Variants in ARHGAP45 observed in about 807,000 individuals in gnomAD.
ARHGAP45 encodes the protein rho GTPase-activating protein 45.
In ARHGAP45, 56 loss-of-function variants were observed where a neutral mutation model predicts 116.1. That is an observed-to-expected ratio of 0.48 (90% CI 0.39 to 0.60). The LOEUF (loss-of-function observed/expected upper bound fraction) is 0.60, where lower values mean the gene tolerates loss of function less well. ARHGAP45 is among the 20% of genes least tolerant of loss of function. ARHGAP45 has a pLI of 0.00. For synonymous variants in ARHGAP45, 866 were observed against 701.7 expected, an observed-to-expected ratio of 1.23 and a Z score of -3.70; for missense variants, 1,622 against 1,601.0, an observed-to-expected ratio of 1.01 and a Z score of -0.22.
intron 2 of ARHGAP45, 73 bp from the exon 3 acceptor site, chr19:1,073,076 A>G: frequency 6.7e-7 from 1 of 1,493,514 alleles, no homozygotes; most frequent in Non-Finnish European, 8.9e-7. Flanking sequence ...GGAGCTCTAA[A>G]GAGGGAGGAG....
At chr19:1,079,655 T>G in intron 11 of ARHGAP45, 48 bp from the exon 12 acceptor site, 1 of 1,602,162 alleles carries the variant, frequency 6.2e-7, no homozygotes, top group Non-Finnish European at 8.5e-7. Flanking sequence ...GTCTGAGTCC[T>G]GCACCCCGGG....
chr19:1,081,284 G>A (rs2043425974), intron 17 of ARHGAP45: 1 of 653,572 alleles, frequency 1.5e-6, no homozygotes, highest in Non-Finnish European at 2.6e-6. Flanking sequence ...CCTGGAGGGT[G>A]AAGAGTCCTG....
intron 10 of ARHGAP45, among the ~76,000 whole-genome samples, 158 bp downstream of exon 10, chr19:1,075,037 A>ACC (rs1568462330): frequency 1.4e-4 from 7 of 51,706 alleles, no homozygotes; most frequent in Admixed American, 9.1e-4. Context: ...GCCCCCCCCA[A>ACC]CGCCAAGCCG....
At position 1,077,898 on chromosome 19, in the gene ARHGAP45, C is replaced by T. The variant is rs377544706; in HGVS notation, c.1227C>T (p.Tyr409=). The change falls in exon 11 of 23, where the codon TAC becomes TAT. Residue 409 remains tyrosine (Y), a synonymous_variant. Transcript: ENST00000313093. ...ESNLRKAKQG[Y]VQRCEDHDKA... ...ACCTGCGCAAGGCCAAGCAGGGTTA[C>T]GTGCAGCGCTGCGAGGACCACGACA... The T allele has an allele frequency of 7.7e-6, 12 of 1,554,540 alleles. No homozygotes were observed. The highest frequency in any genetic ancestry group is 5.5e-5 in the African/African-American group (4 of 73,142).
At chr19:1,072,879 G>C (rs911183317) in intron 2 of ARHGAP45, among the ~76,000 whole-genome samples, 41 of 152,278 alleles carry the variant, frequency 2.7e-4, no homozygotes, top group African/African-American at 9.6e-4. Flanking sequence ...TGAAGGACAA[G>C]AGGCAGTTTG....
chr19:1,067,709 A>T (rs1226342821), intron 1 of ARHGAP45: 2 of 701,006 alleles, frequency 2.9e-6, no homozygotes, highest in African/African-American at 3.5e-5. Context: ...GCCTCCCTCC[A>T]CTCCATCCAG....
At chr19:1,079,368 G>A (rs765141080) in intron 11 of ARHGAP45, among the ~76,000 whole-genome samples, 4 of 151,402 alleles carry the variant, frequency 2.6e-5, no homozygotes, top group Non-Finnish European at 5.9e-5. Context: ...AACCGGGTAT[G>A]GTGGGTGGGG....
intron 22 of ARHGAP45, among the ~76,000 whole-genome samples, chr19:1,084,951 G>A (rs1288758839): frequency 6.6e-6 from 1 of 152,114 alleles, no homozygotes; most frequent in Non-Finnish European, 1.5e-5. Context: ...GTGTGGTGGA[G>A]GGCACCTGTA....
chr19:1,073,445 T>A, intron 3 of ARHGAP45, 61 bp from the exon 4 acceptor site: 1 of 1,582,976 alleles, frequency 6.3e-7, no homozygotes, highest in Non-Finnish European at 8.7e-7. Context: ...CGGTCAGTTC[T>A]TGCAGGGATG....
intron 22 of ARHGAP45, among the ~76,000 whole-genome samples, chr19:1,085,003 A>ACC (rs2043562101): frequency 6.6e-6 from 1 of 152,056 alleles, no homozygotes. Flanking sequence ...AATCACTTGA[A>ACC]CCGGGGAGGC....
chr19:1,075,192 A>T (rs1449449008), intron 10 of ARHGAP45, among the ~76,000 whole-genome samples: 2 of 148,860 alleles, frequency 1.3e-5, no homozygotes, highest in African/African-American at 4.9e-5. Context: ...AGGGAGACTG[A>T]TGGTCTCTCA....
Position 1,086,212 on chromosome 19 carries a change from G to A in ARHGAP45, c.*206G>A, listed in dbSNP as rs1061233. On this transcript the variant is annotated 3_prime_UTR_variant, in exon 23 of 23. Coordinates refer to ENST00000313093, the MANE Select transcript of ARHGAP45 (RefSeq NM_012292.5). ...CTTGCGGCACAGGACTGTGCCCTGT[G>A]CTGTCCCCTGCACCCCGGCTCAGCT... 208,851 of 583,918 alleles carry A rather than the reference G, an allele frequency of 0.36. 41,822 individuals carry two copies. The highest frequency in any genetic ancestry group is 0.47 in the Middle Eastern group (1,034 of 2,190). The allele number at this position is 583,918 out of a possible 1,614,324, so 36.2% of individuals were successfully genotyped here.
In ARHGAP45 at chr19:1,071,352, C is replaced by T. The variant is rs2043137964; in HGVS notation, c.422-1797C>T. ...GGGCCCCGTGCGCTGCCGGGCGGGCCCCCGAGGTGAGGGGACAGGTGCCGG... is the reference window on the plus strand; with the variant it reads ...GGGCCCCGTGCGCTGCCGGGCGGGCTCCCGAGGTGAGGGGACAGGTGCCGG... On this transcript the variant is annotated intron_variant, in intron 2 of 22. Transcript: ENST00000313093. The surrounding 1 kb of genome is among the most constrained non-coding windows in gnomAD (Gnocchi z 4.6). The T allele has an allele frequency of 7.5e-7, 1 of 1,335,912 alleles. No individual in the cohort carries two copies. Among genetic ancestry groups the T allele is most frequent in the Non-Finnish European group, 9.5e-7 (1 of 1,047,414 alleles). The allele number at this position is 1,335,912 out of a possible 1,614,324, so 82.8% of individuals were successfully genotyped here.
chr19:1,081,115 G>T, intron 17 of ARHGAP45, 51 bp downstream of exon 17: 1 of 1,547,402 alleles, frequency 6.5e-7, no homozygotes, highest in Non-Finnish European at 8.7e-7. Flanking sequence ...AGCCTTTGGG[G>T]TGCCCAGCAC....
At position 1,071,193 on chromosome 19, in the gene ARHGAP45, C is replaced by G. The variant is rs2043133319; in HGVS notation, c.422-1956C>G. The G allele has an allele frequency of 1.4e-5, 20 of 1,381,996 alleles. No homozygotes were observed. 85.6% of individuals were successfully genotyped at this position (1,381,996 alleles called of 1,614,324 possible). On this transcript the variant is annotated intron_variant, in intron 2 of 22. Transcript: ENST00000313093. The surrounding 1 kb of genome is among the most constrained non-coding windows in gnomAD (Gnocchi z 4.6). ...GGTTTCCCTCGCGGGGGCGGGGCCT[C>G]CTGACCGGCCGGAGCCGGTTTGGCC...
In ARHGAP45 at chr19:1,068,468, C is replaced by A. The variant is rs1210991107; in HGVS notation, c.145C>A (p.Pro49Thr). 1.3e-6 allele frequency: 2 copies of A among 1,582,564 alleles called. No homozygotes were observed. Among genetic ancestry groups the A allele is most frequent in the African/African-American group, 2.7e-5 (2 of 74,290 alleles). The change falls in exon 2 of 23, where the codon CCG (proline) becomes ACG (threonine). Residue 49 changes from proline to threonine, a missense_variant. Pro to Thr is a conservative substitution (Grantham distance 38). Transcript: ENST00000313093. The surrounding 1 kb of genome is among the most constrained non-coding windows in gnomAD (Gnocchi z 7.5). ...DAVFPGPSLE[P>T]PAGSSGVKAT... ...GGTGTTCCCCGGACCAAGCCTGGAG[C>A]CGCCCGCTGGGTCCTCCGGCGTCAA...
At chr19:1,079,471 T>A (rs1180958360) in intron 11 of ARHGAP45, among the ~76,000 whole-genome samples, 1 of 140,528 alleles carries the variant, frequency 7.1e-6, no homozygotes, top group Non-Finnish European at 1.5e-5. Flanking sequence ...ACCACTGCAC[T>A]CCAGCCTGGC....
chr19:1,080,189 G>C (rs1468441602), intron 13 of ARHGAP45, 66 bp from the exon 14 acceptor site: 1 of 1,610,540 alleles, frequency 6.2e-7, no homozygotes, highest in African/African-American at 1.3e-5. Context: ...CCTCTGTCGG[G>C]GGCATGAAGA....
Position 1,068,449 on chromosome 19 carries a change from C to T in ARHGAP45, c.126C>T (p.Phe42=), listed in dbSNP as rs540497687. 2 of 1,580,260 alleles carry T rather than the reference C, an allele frequency of 1.3e-6. No individual in the cohort carries two copies. The highest frequency in any genetic ancestry group is 1.1e-5 in the South Asian group (1 of 87,184). ...LPRKDGADAV[F]PGPSLEPPAG... ...GGAAGGATGGGGCTGACGCGGTGTT[C>T]CCCGGACCAAGCCTGGAGCCGCCCG... The change falls in exon 2 of 23, where the codon TTC becomes TTT. Residue 42 remains phenylalanine (F), a synonymous_variant. Coordinates refer to ENST00000313093, the MANE Select transcript of ARHGAP45 (RefSeq NM_012292.5). The surrounding 1 kb of genome is among the most constrained non-coding windows in gnomAD (Gnocchi z 7.5).
Sources: allele counts gnomAD v4.1 joint callset (sites outside exome capture counted in the v4.1 genomes callset), GRCh38; gene constraint gnomAD v4.1.1; non-coding constraint Gnocchi (gnomAD v3.1); transcripts MANE v1.5; gene names NCBI Gene and HGNC (gene_info 2026-07-23, HGNC 2026-07-21).